DGKI: variants seen among roughly 807,000 people sequenced by gnomAD.
The protein encoded by DGKI is diacylglycerol kinase iota.
In DGKI, 55 loss-of-function variants were observed where a neutral mutation model predicts 147.5. The observed-to-expected ratio is 0.37, with a 90% CI of 0.30 to 0.47. DGKI has a LOEUF of 0.47. Among genes scored for constraint, DGKI ranks in the 20% least tolerant of loss-of-function variants. DGKI has a pLI of 1.00. For synonymous variants in DGKI, 469 were observed against 477.1 expected (o/e 0.98, Z 0.22); for missense variants, 1,007 against 1,323.8 (o/e 0.76, Z 3.71).
At chr7:137,514,538 C>T (rs567697461) in intron 21 of DGKI, among the ~76,000 whole-genome samples, 2 of 152,332 alleles carry the variant, frequency 1.3e-5, no homozygotes, top group South Asian at 4.1e-4. Flanking sequence ...AACAAGCTCT[C>T]CTGCTGTTTT....
In DGKI at chr7:137,395,656, C is replaced by T. The variant is rs781464148; in HGVS notation, c.2999G>A (p.Arg1000Gln). 1.6e-5 allele frequency: 26 copies of T among 1,614,020 alleles called. No individual in the cohort carries two copies. Among genetic ancestry groups the T allele is most frequent in the South Asian group, 7.7e-5 (7 of 91,088 alleles). ...ATCCACCAGAAGCTGGCACACAGCC[C>T]GGTTCCGCTGGCAGGCAGCCTTGTG... ...ALHKAACQRNRAVCQLLVDAG... is the reference protein window; with the variant it reads ...ALHKAACQRNQAVCQLLVDAG... Residue 1000 changes from arginine (R) to glutamine (Q), a missense_variant, in exon 32 of 33, where the codon CGG becomes CAG. Transcript: ENST00000614521.
At chr7:137,698,053 T>C (rs1041055421) in intron 1 of DGKI, among the ~76,000 whole-genome samples, 19 of 151,066 alleles carry the variant, frequency 1.3e-4, no homozygotes, top group African/African-American at 3.9e-4. Flanking sequence ...CAGATATATA[T>C]AGATATCTAT....
At chr7:137,531,888 T>C (rs1167038185) in intron 20 of DGKI, among the ~76,000 whole-genome samples, 1 of 152,226 alleles carries the variant, frequency 6.6e-6, no homozygotes, top group African/African-American at 2.4e-5. Context: ...ACTGGTATAG[T>C]TGCTAACCCT....
At chr7:137,490,632 C>T (rs75170598) in intron 21 of DGKI, among the ~76,000 whole-genome samples, 40 of 152,230 alleles carry the variant, frequency 2.6e-4, no homozygotes, top group East Asian at 1.9e-3. Flanking sequence ...CTTTACATGG[C>T]GAAGAAAAAG....
Position 137,463,372 on chromosome 7 carries a change from GA to G in DGKI, c.2735+116del, listed in dbSNP as rs1253400637. 1.9e-5 allele frequency: 27 copies of G among 1,421,104 alleles called. No individual in the cohort carries two copies. In the African/African-American group the frequency reaches 3.0e-4, roughly 16 times the overall value. 88.0% of individuals were successfully genotyped at this position (1,421,104 alleles called of 1,614,324 possible). On this transcript the variant is annotated intron_variant, in intron 27 of 32. Transcript: ENST00000614521. ...TGAAAACACAGAGTAGCACCTGCAT[GA>G]GACAGCCTGAGCGCCATTGAAAAGA... is the stretch of plus-strand genomic sequence containing the variant.
chr7:137,489,663 A>T (rs1388901055), intron 21 of DGKI, among the ~76,000 whole-genome samples: 1 of 152,154 alleles, frequency 6.6e-6, no homozygotes, highest in Non-Finnish European at 1.5e-5. Flanking sequence ...TGACATAGAT[A>T]ATAAATCTGG....
intron 21 of DGKI, among the ~76,000 whole-genome samples, chr7:137,515,650 G>T (rs1563062892): frequency 6.6e-6 from 1 of 152,106 alleles, no homozygotes; most frequent in East Asian, 1.9e-4. Flanking sequence ...GATTAAATAA[G>T]TATTCAAAAT....
At chr7:137,563,782 T>C (rs1489158774) in intron 19 of DGKI, among the ~76,000 whole-genome samples, 1 of 152,110 alleles carries the variant, frequency 6.6e-6, no homozygotes, top group African/African-American at 2.4e-5. Flanking sequence ...ACATTGTTGA[T>C]GGATATTAAA....
intron 1 of DGKI, among the ~76,000 whole-genome samples, chr7:137,812,490 G>A (rs1236284146): frequency 6.6e-6 from 1 of 152,176 alleles, no homozygotes; most frequent in Non-Finnish European, 1.5e-5. Flanking sequence ...AAGGTGCCAA[G>A]GCAGGATGAC....
intron 1 of DGKI, among the ~76,000 whole-genome samples, chr7:137,835,603 G>A (rs1413062157): frequency 3.9e-5 from 6 of 151,970 alleles, no homozygotes; most frequent in Non-Finnish European, 8.8e-5. Flanking sequence ...TCCCCAGTAA[G>A]AGGAGTGTTA....
chr7:137,729,902 T>C (rs1037537963), intron 1 of DGKI, among the ~76,000 whole-genome samples: 1 of 152,116 alleles, frequency 6.6e-6, no homozygotes, highest in Non-Finnish European at 1.5e-5. Context: ...GGATTCATCT[T>C]GCTCGTTGAC....
At chr7:137,704,870 T>A (rs568978758) in intron 1 of DGKI, among the ~76,000 whole-genome samples, 1 of 152,172 alleles carries the variant, frequency 6.6e-6, no homozygotes, top group African/African-American at 2.4e-5. Context: ...CGATATGTTA[T>A]ATGTGCTGAA....
At chr7:137,409,564 TG>T (rs1356822209) in intron 29 of DGKI, among the ~76,000 whole-genome samples, 1 of 152,120 alleles carries the variant, frequency 6.6e-6, no homozygotes, top group South Asian at 2.1e-4. Context: ...ATCCCTAAAC[TG>T]GGGGGCAAGA....
intron 32 of DGKI, 58 bp downstream of exon 32, chr7:137,395,540 C>A: frequency 6.6e-7 from 1 of 1,523,412 alleles, no homozygotes; most frequent in Non-Finnish European, 9.1e-7. Flanking sequence ...CAAGCAAAGG[C>A]AACAGCGCCT....
chr7:137,731,538 C>T (rs919397467), intron 1 of DGKI, among the ~76,000 whole-genome samples: 4 of 152,066 alleles, frequency 2.6e-5, no homozygotes, highest in African/African-American at 9.7e-5. Context: ...TTAGCACCAC[C>T]ATACGTAGTA....
At chr7:137,696,431 C>CA in intron 1 of DGKI, among the ~76,000 whole-genome samples, 1 of 36,696 alleles carries the variant, frequency 2.7e-5, no homozygotes, top group Non-Finnish European at 4.9e-5. Context: ...GCCCAAAAGA[C>CA]TTTTTTTTTT....
intron 24 of DGKI, among the ~76,000 whole-genome samples, chr7:137,468,576 C>A (rs1204179212): frequency 1.3e-5 from 2 of 152,166 alleles, no homozygotes; most frequent in Non-Finnish European, 1.5e-5. Context: ...AGATCTCATA[C>A]AGATACAAGT....
chr7:137,479,095 T>C (rs111810391), intron 23 of DGKI, among the ~76,000 whole-genome samples: 9 of 152,150 alleles, frequency 5.9e-5, no homozygotes, highest in African/African-American at 2.2e-4. Flanking sequence ...AAATCAATGA[T>C]TCATCAAAGA....
intron 1 of DGKI, among the ~76,000 whole-genome samples, chr7:137,814,322 G>A (rs181159979): frequency 1.8e-4 from 27 of 152,254 alleles, no homozygotes; most frequent in Non-Finnish European, 2.9e-4. Context: ...GCCAAAAAAC[G>A]ATTCAAATTC....
Sources: allele counts gnomAD v4.1 joint callset (sites outside exome capture counted in the v4.1 genomes callset), GRCh38; gene constraint gnomAD v4.1.1; transcripts MANE v1.5; gene names NCBI Gene and HGNC (gene_info 2026-07-23, HGNC 2026-07-21).